Variants in ZNF541 observed in about 807,000 individuals in gnomAD.
The protein encoded by ZNF541 is zinc finger protein 541.
A neutral mutation model predicts 123.5 loss-of-function variants in ZNF541; 23 were observed. The observed-to-expected ratio is 0.19, with a 90% CI of 0.13 to 0.26. The LOEUF (loss-of-function observed/expected upper bound fraction) is 0.26, where lower values mean the gene tolerates loss of function less well. Ranked by LOEUF, ZNF541 falls within the 10% of genes least tolerant of loss-of-function variation. The pLI is 1.00. For synonymous variants in ZNF541, 751 were observed against 754.5 expected (o/e 1.00, Z 0.08); for missense variants, 1,612 against 1,789.9 (o/e 0.90, Z 1.79).
At chr19:47,568,906 G>A (rs1013576911) in intron 2 of ZNF541, among the ~76,000 whole-genome samples, 3 of 152,034 alleles carry the variant, frequency 2.0e-5, no homozygotes, top group Admixed American at 6.6e-5. Flanking sequence ...TCCTGACCTC[G>A]TGATCCACCC....
At chr19:47,546,495 G>C (rs1311907689) in intron 4 of ZNF541, among the ~76,000 whole-genome samples, 1 of 151,562 alleles carries the variant, frequency 6.6e-6, no homozygotes, top group Non-Finnish European at 1.5e-5. Flanking sequence ...CTGGGTGACA[G>C]AGTGAGACTC....
intron 2 of ZNF541, among the ~76,000 whole-genome samples, chr19:47,559,296 C>T (rs1417807940): frequency 6.6e-6 from 1 of 151,524 alleles, no homozygotes; most frequent in Non-Finnish European, 1.5e-5. Context: ...CACTTGAACC[C>T]GGGAAGCAGA....
At chr19:47,538,517 A>T in intron 8 of ZNF541, 78 bp from the exon 9 acceptor site, 24 of 1,385,984 alleles carry the variant, frequency 1.7e-5, no homozygotes, top group Non-Finnish European at 2.2e-5. Flanking sequence ...GAAAGAGAGC[A>T]GGAAAAGGAG....
At chr19:47,551,734 A>G (rs982571018) in intron 3 of ZNF541, among the ~76,000 whole-genome samples, 6 of 151,844 alleles carry the variant, frequency 4.0e-5, no homozygotes, top group African/African-American at 1.2e-4. Flanking sequence ...GGGTCTCACT[A>G]TGTTGCCCAG....
intron 9 of ZNF541, among the ~76,000 whole-genome samples, chr19:47,534,329 G>A (rs991868127): frequency 6.6e-6 from 1 of 152,108 alleles, no homozygotes; most frequent in African/African-American, 2.4e-5. Flanking sequence ...AGTACCAGAT[G>A]GAAAGGAGAA....
intron 2 of ZNF541, among the ~76,000 whole-genome samples, chr19:47,564,093 G>A (rs567563775): frequency 2.0e-5 from 3 of 152,176 alleles, no homozygotes; most frequent in Admixed American, 6.5e-5. Context: ...TGACATTAGC[G>A]CTAATGGTCT....
rs1599989425 is a variant in ZNF541, at chr19:47,540,215, G to A, written c.2583C>T (p.Ser861=). ...TCCCTCGAGGTGACGGCCACTGGTC[G>A]CTGTGAAAACACATGTGGCTGCTCA... The part of the protein sequence containing the change: ...KGLSSHMCFH[S]DQWPSPRGKQ... Residue 861 remains serine (S), a synonymous_variant, in exon 7 of 17, where the codon AGC becomes AGT. Coordinates refer to ENST00000391901, the MANE Select transcript of ZNF541 (RefSeq NM_001277075.3). 5 of 1,551,544 alleles carry A rather than the reference G, an allele frequency of 3.2e-6. No individual in the cohort carries two copies. Among genetic ancestry groups the A allele is most frequent in the East Asian group, 2.4e-5 (1 of 40,914 alleles).
chr19:47,550,329 G>A (rs1970544315), intron 3 of ZNF541, among the ~76,000 whole-genome samples: 1 of 148,592 alleles, frequency 6.7e-6, no homozygotes, highest in South Asian at 2.1e-4. Context: ...GAGAAAGAGA[G>A]AGAGAGAAAG....
Position 47,539,707 on chromosome 19 carries a change from T to C in ZNF541, c.2794A>G (p.Met932Val). The change falls in exon 8 of 17, where the codon ATG (methionine) becomes GTG (valine). Residue 932 changes from methionine to valine, a missense_variant and splice_region_variant. Physicochemically the swap from Met to Val is conservative, Grantham distance 21. Around this residue, in one of 5 missense-constraint regions of ZNF541, gnomAD observed 1,080 missense variants for 1,013.8 expected, o/e 1.07. Transcript: ENST00000391901. ...PVTRHIGSMA[M>V]GQEKDGEERD... ...GAGGCAGGCCGACAAGCACCCACCA[T>C]GGCCATGCTCCCTATGTGTCGGGTC... The C allele has an allele frequency of 7.1e-7, 1 of 1,407,484 alleles. No individual in the cohort carries two copies. Among genetic ancestry groups the C allele is most frequent in the Non-Finnish European group, 9.2e-7 (1 of 1,082,228 alleles). The allele number at this position is 1,407,484 out of a possible 1,614,324, so 87.2% of individuals were successfully genotyped here.
At chr19:47,554,521 T>G (rs1970734370) in intron 3 of ZNF541, among the ~76,000 whole-genome samples, 1 of 152,204 alleles carries the variant, frequency 6.6e-6, no homozygotes. Context: ...AGTTCCTTCT[T>G]TTGTTTTACT....
chr19:47,555,944 G>A lies in ZNF541; in HGVS notation c.-88C>T, dbSNP rs1191805189. The A allele has an allele frequency of 1.6e-6, 2 of 1,283,130 alleles. No individual in the cohort carries two copies. The highest frequency in any genetic ancestry group is 1.1e-6 in the Non-Finnish European group (1 of 945,976). The allele number at this position is 1,283,130 out of a possible 1,614,324, so 79.5% of individuals were successfully genotyped here. ...GACAGGGAGGAGAGAGCCCTTGATG[G>A]CAACTAATTCCTGAAAATGAAGCAA... On this transcript the variant is annotated 5_prime_UTR_variant, in exon 3 of 17. Coordinates refer to ENST00000391901, the MANE Select transcript of ZNF541 (RefSeq NM_001277075.3).
intron 2 of ZNF541, among the ~76,000 whole-genome samples, chr19:47,558,599 CTT>C (rs1159746262): frequency 4.9e-5 from 7 of 143,312 alleles, no homozygotes; most frequent in Admixed American, 7.0e-5. Flanking sequence ...AACAGAATTT[CTT>C]TTTTTTTTTT....
intron 1 of ZNF541, among the ~76,000 whole-genome samples, chr19:47,572,731 G>A (rs2123464169): frequency 6.6e-6 from 1 of 151,382 alleles, no homozygotes; most frequent in Non-Finnish European, 1.5e-5. Context: ...CCCGCGGCGC[G>A]AGCTGGGGGG....
At position 47,544,771 on chromosome 19, in the gene ZNF541, T is replaced by C. The variant is rs1053137099; in HGVS notation, c.1758A>G (p.Lys586=). Reference sequence around the variant, plus strand: ...CCTGCAGCGGCCTCAGGGCGGCTGGTTTGCCCTCGGGCGCAGGGAGCTGGG... The same window carrying C: ...CCTGCAGCGGCCTCAGGGCGGCTGGCTTGCCCTCGGGCGCAGGGAGCTGGG... ...VSSQLPAPEG[K]PAALRPLQGP... is the part of the protein sequence containing the mutation. Residue 586 remains lysine (K), a synonymous_variant, in exon 5 of 17, where the codon AAA becomes AAG. Transcript: ENST00000391901. 1.3e-6 allele frequency: 2 copies of C among 1,510,310 alleles called. No individual in the cohort carries two copies. Among genetic ancestry groups the C allele is most frequent in the East Asian group, 2.5e-5 (1 of 40,546 alleles). 93.6% of individuals were successfully genotyped at this position (1,510,310 alleles called of 1,614,324 possible).
chr19:47,554,747 G>A (rs1020684959), intron 3 of ZNF541, among the ~76,000 whole-genome samples: 3 of 152,188 alleles, frequency 2.0e-5, no homozygotes, highest in Non-Finnish European at 4.4e-5. Context: ...GATATCCCCA[G>A]ACACCTAAGT....
At chr19:47,547,303 G>C (rs1970397911) in intron 4 of ZNF541, among the ~76,000 whole-genome samples, 1 of 152,072 alleles carries the variant, frequency 6.6e-6, no homozygotes, top group Non-Finnish European at 1.5e-5. Context: ...CCAATCCATA[G>C]AAACATTATA....
intron 13 of ZNF541, 43 bp downstream of exon 13, chr19:47,529,534 G>A (rs771274153): frequency 3.4e-5 from 52 of 1,542,616 alleles, no homozygotes; most frequent in Non-Finnish European, 3.2e-5. Context: ...ATTCATAGGG[G>A]TCTCAGCTGG....
chr19:47,561,101 A>C (rs748979502), intron 2 of ZNF541, among the ~76,000 whole-genome samples: 2 of 152,210 alleles, frequency 1.3e-5, no homozygotes, highest in Non-Finnish European at 2.9e-5. Flanking sequence ...GTGAGGAGTG[A>C]AACTATTTTG....
At position 47,532,339 on chromosome 19, in the gene ZNF541, C is replaced by T. The variant is rs146579417; in HGVS notation, c.3159-69G>A. 2.0e-4 allele frequency: 309 copies of T among 1,515,586 alleles called. No individual in the cohort carries two copies. The African/African-American group carries it at 3.9e-3, about 19-fold the overall frequency. The allele number at this position is 1,515,586 out of a possible 1,614,324, so 93.9% of individuals were successfully genotyped here. The stretch of plus-strand genomic sequence containing the variant: ...ACTGAGATGGGAAGTGAAATGGAGA[C>T]GCTCTGTATGCCCTGCTCTTGGGCC... On this transcript the variant is annotated intron_variant, in intron 10 of 16. Transcript: ENST00000391901.
Sources: gnomAD v4.1 joint callset for allele counts (sites outside exome capture counted in the v4.1 genomes callset) on GRCh38, gnomAD v4.1.1 for gene constraint, gnomAD v4.1.1 regional missense constraint, MANE v1.5 for transcripts, NCBI Gene and HGNC (gene_info 2026-07-23, HGNC 2026-07-21) for gene names.